MCRS1: variants seen among roughly 807,000 people sequenced by gnomAD.
MCRS1 encodes 58 kDa microspherule protein.
In MCRS1, 22 loss-of-function variants were observed where a neutral mutation model predicts 62.9. The ratio of observed to expected loss-of-function variants is 0.35; its 90% CI spans 0.25 to 0.50. The LOEUF is 0.50. MCRS1 is among the 20% of genes least tolerant of loss of function. The probability of loss-of-function intolerance (pLI) is 0.98; values close to 1 mark genes in which losing one functional copy is unlikely to be tolerated. For missense variants in MCRS1, 456 were observed against 601.1 expected, an observed-to-expected ratio of 0.76 and a Z score of 2.52; for synonymous variants, 244 against 233.5, an observed-to-expected ratio of 1.04 and a Z score of -0.41.
intron 4 of MCRS1, 61 bp downstream of exon 4, chr12:49,565,468 G>C: frequency 6.5e-7 from 1 of 1,544,162 alleles, no homozygotes; most frequent in Non-Finnish European, 8.7e-7. Flanking sequence ...GCTGGCAAAG[G>C]TTCTGGGGAA....
chr12:49,565,771 G>T, intron 3 of MCRS1, 104 bp from the exon 4 acceptor site: 1 of 1,506,142 alleles, frequency 6.6e-7, no homozygotes, highest in South Asian at 1.2e-5. Flanking sequence ...GGTGCTATCT[G>T]CTCCAGCCTG....
intron 8 of MCRS1, among the ~76,000 whole-genome samples, chr12:49,561,940 G>A (rs1390463667): frequency 6.6e-6 from 1 of 152,188 alleles, no homozygotes; most frequent in East Asian, 1.9e-4. Context: ...TAGTGACAAA[G>A]GAACTAGCTT....
chr12:49,564,988 C>G (rs1415370946), intron 4 of MCRS1, 93 bp from the exon 5 acceptor site: 1 of 1,445,964 alleles, frequency 6.9e-7, no homozygotes, highest in South Asian at 1.5e-5. Context: ...GTGGCAGCGG[C>G]AGCCCCAGCC....
At chr12:49,565,245 AATGCTGG>A in intron 4 of MCRS1, 2 of 985,386 alleles carry the variant, frequency 2.0e-6, no homozygotes, top group Non-Finnish European at 2.4e-6. Flanking sequence ...TACACTCTGC[AATGCTGG>A]GAACAGGCTG....
intron 8 of MCRS1, among the ~76,000 whole-genome samples, chr12:49,561,255 G>A (rs948501290): frequency 4.6e-5 from 7 of 152,188 alleles, no homozygotes; most frequent in Non-Finnish European, 1.0e-4. Flanking sequence ...TAGGCCAGCC[G>A]TTCCCAAGAC....
intron 2 of MCRS1, 65 bp from the exon 3 acceptor site, chr12:49,566,280 C>G: frequency 6.3e-7 from 1 of 1,578,222 alleles, no homozygotes; most frequent in Non-Finnish European, 8.6e-7. Context: ...AATGGGACCC[C>G]TCCCCAGCCC....
chr12:49,562,971 C>A (rs990015030), intron 8 of MCRS1, 30 bp downstream of exon 8: 2 of 1,586,222 alleles, frequency 1.3e-6, no homozygotes, highest in African/African-American at 1.3e-5. Context: ...CGTGCACACA[C>A]CCCCATTCTG....
At chr12:49,564,036 G>C (rs1276248234) in intron 6 of MCRS1, among the ~76,000 whole-genome samples, 1 of 152,210 alleles carries the variant, frequency 6.6e-6, no homozygotes, top group African/African-American at 2.4e-5. Flanking sequence ...GCATGTGTAT[G>C]AGTTTATTTG....
In MCRS1 at chr12:49,558,684, C is replaced by A; in HGVS notation, c.1348G>T (p.Ala450Ser). The A allele has an allele frequency of 6.2e-7, 1 of 1,613,804 alleles. No homozygotes were observed. The highest frequency in any genetic ancestry group is 8.5e-7 in the Non-Finnish European group (1 of 1,180,014). Residue 450 changes from alanine to serine, a missense_variant, in exon 15 of 15, where the codon GCC becomes TCC. Transcript: ENST00000343810. ...TTGGCAGCCTCAGCCCTGATGAGGG[C>A]AATGAGGTCCTGGTTGATAAGGAAG... is the stretch of plus-strand genomic sequence containing the variant. ...FVFLINQDLI[A>S]LIRAEAAKIT... is the part of the protein sequence containing the mutation.
At chr12:49,562,594 T>A (rs1938827291) in intron 8 of MCRS1, among the ~76,000 whole-genome samples, 1 of 152,186 alleles carries the variant, frequency 6.6e-6, no homozygotes, top group African/African-American at 2.4e-5. Flanking sequence ...GAAAAAGTGG[T>A]TATTACCTCT....
Position 49,559,083 on chromosome 12 carries a change from C to T in MCRS1, c.1175-113G>A. On this transcript the variant is annotated intron_variant, in intron 13 of 14. Transcript: ENST00000343810. The surrounding 1 kb of genome is among the most constrained non-coding windows in gnomAD (Gnocchi z 5.2). ...GGACCAGCTCTGCTTCCTGCAGACA[C>T]CAAGGAATCCCTGCCTCAGGTGGTC... is the stretch of plus-strand genomic sequence containing the variant. 6.5e-7 allele frequency: 1 copy of T among 1,538,548 alleles called. No individual in the cohort carries two copies.
intron 2 of MCRS1, 33 bp downstream of exon 2, chr12:49,566,689 A>G: frequency 1.9e-6 from 3 of 1,613,804 alleles, no homozygotes; most frequent in Non-Finnish European, 2.5e-6. Context: ...TTGGCGCCCG[A>G]GCATTTGGGG....
In MCRS1 at chr12:49,559,665, C is replaced by T; in HGVS notation, c.1003+64G>A. On this transcript the variant is annotated intron_variant, in intron 11 of 14. Coordinates refer to ENST00000343810, the MANE Select transcript of MCRS1 (RefSeq NM_006337.5). The surrounding 1 kb of genome is among the most constrained non-coding windows in gnomAD (Gnocchi z 5.2). ...GAGGGTCTCCCCAGCCAGGCAGCAACAGGGGCACAGGCTGGGGCGAAGGAT... is the reference window on the plus strand; with the variant it reads ...GAGGGTCTCCCCAGCCAGGCAGCAATAGGGGCACAGGCTGGGGCGAAGGAT... 6.2e-7 allele frequency: 1 copy of T among 1,601,010 alleles called. No individual in the cohort carries two copies. Among genetic ancestry groups the T allele is most frequent in the African/African-American group, 1.3e-5 (1 of 74,748 alleles).
At position 49,559,109 on chromosome 12, in the gene MCRS1, C is replaced by A; in HGVS notation, c.1174+105G>T. 1 of 1,529,974 alleles carries A rather than the reference C, an allele frequency of 6.5e-7. No individual in the cohort carries two copies. The highest frequency in any genetic ancestry group is 1.4e-5 in the African/African-American group (1 of 73,412). The allele number at this position is 1,529,974 out of a possible 1,614,324, so 94.8% of individuals were successfully genotyped here. A position where few individuals can be genotyped will look rare whatever the true frequency, so the allele number is the denominator to read the frequency against. On this transcript the variant is annotated intron_variant, in intron 13 of 14. Transcript: ENST00000343810. The surrounding 1 kb of genome is among the most constrained non-coding windows in gnomAD (Gnocchi z 5.2). ...CAAGGAATCCCTGCCTCAGGTGGTC[C>A]ACGAGGGTCCCCATGGACACCAAGC...
chr12:49,559,137 A>G lies in MCRS1; in HGVS notation c.1174+77T>C, dbSNP rs1420086442. On this transcript the variant is annotated intron_variant, in intron 13 of 14. Transcript: ENST00000343810. This position sits in a 1 kb window ranked among gnomAD's most constrained non-coding sequence, Gnocchi z 5.2. ...GAGGGTCCCCATGGACACCAAGCCC[A>G]GGGCTAGAAAGGACAGCGAGAGGCT... 1 of 1,548,896 alleles carries G rather than the reference A, an allele frequency of 6.5e-7. No homozygotes were observed. Among genetic ancestry groups the G allele is most frequent in the African/African-American group, 1.4e-5 (1 of 73,672 alleles).
At chr12:49,563,319 C>T in intron 7 of MCRS1, 119 bp downstream of exon 7, 3 of 1,354,594 alleles carry the variant, frequency 2.2e-6, no homozygotes, top group Non-Finnish European at 3.1e-6. Flanking sequence ...CCAATGTGCA[C>T]ACGTGTGCAT....
chr12:49,562,887 G>A, intron 8 of MCRS1, 114 bp downstream of exon 8: 1 of 1,337,652 alleles, frequency 7.5e-7, no homozygotes. Flanking sequence ...AAGACACTGG[G>A]GATCACTGAG....
At position 49,559,441 on chromosome 12, in the gene MCRS1, G is replaced by A; in HGVS notation, c.1086+12C>T. On this transcript the variant is annotated intron_variant, in intron 12 of 14. Coordinates refer to ENST00000343810, the MANE Select transcript of MCRS1 (RefSeq NM_006337.5). The surrounding 1 kb of genome is among the most constrained non-coding windows in gnomAD (Gnocchi z 5.2). ...AAGCAGCCTAAGAAGGGCGGGGATGGGCCTGCCTCACCTCACGCGAGCGCA... is the reference window on the plus strand; with the variant it reads ...AAGCAGCCTAAGAAGGGCGGGGATGAGCCTGCCTCACCTCACGCGAGCGCA... 6.2e-7 allele frequency: 1 copy of A among 1,613,886 alleles called. No homozygotes were observed. The highest frequency in any genetic ancestry group is 8.5e-7 in the Non-Finnish European group (1 of 1,179,984).
In MCRS1 at chr12:49,559,313, G is replaced by C; in HGVS notation, c.1087-12C>G. On this transcript the variant is annotated splice_polypyrimidine_tract_variant and intron_variant, in intron 12 of 14. Transcript: ENST00000343810. The surrounding 1 kb of genome is among the most constrained non-coding windows in gnomAD (Gnocchi z 5.2). ...CTGCCCAGGGTGATCTGGGGAAATG[G>C]GGCAGGTGAGGGCTGGGACCTGAAG... 1 of 1,613,302 alleles carries C rather than the reference G, an allele frequency of 6.2e-7. No individual in the cohort carries two copies. The highest frequency in any genetic ancestry group is 8.5e-7 in the Non-Finnish European group (1 of 1,179,266).
Sources: allele counts gnomAD v4.1 joint callset (sites outside exome capture counted in the v4.1 genomes callset), GRCh38; gene constraint gnomAD v4.1.1; non-coding constraint Gnocchi (gnomAD v3.1); transcripts MANE v1.5; gene names NCBI Gene and HGNC (gene_info 2026-07-23, HGNC 2026-07-21).